MME: variants seen among roughly 807,000 people sequenced by gnomAD.
The protein encoded by MME is membrane metalloendopeptidase.
A neutral mutation model predicts 113.2 loss-of-function variants in MME; 98 were observed. That is an observed-to-expected ratio of 0.87 (90% CI 0.74 to 1.02). The LOEUF is 1.02. Among genes scored for constraint, MME ranks in the 50% least tolerant of loss-of-function variants. The pLI, the probability that MME is intolerant of heterozygous loss-of-function variation, is 0.00. For synonymous variants in MME, 292 were observed against 300.6 expected, an observed-to-expected ratio of 0.97 and a Z score of 0.30; for missense variants, 836 against 896.0, an observed-to-expected ratio of 0.93 and a Z score of 0.86.
intron 1 of MME, among the ~76,000 whole-genome samples, chr3:155,066,730 G>A (rs1401538283): frequency 6.6e-6 from 1 of 152,090 alleles, no homozygotes; most frequent in Non-Finnish European, 1.5e-5. Context: ...TACTGAAAAA[G>A]TAAGTACAAT....
At chr3:155,030,072 G>T (rs992593883) in intron 1 of MME, among the ~76,000 whole-genome samples, 2 of 152,070 alleles carry the variant, frequency 1.3e-5, no homozygotes, top group African/African-American at 4.8e-5. Flanking sequence ...ACTTTTAGGT[G>T]AACATTTACA....
intron 17 of MME, among the ~76,000 whole-genome samples, chr3:155,163,296 T>C (rs1315794420): frequency 6.6e-6 from 1 of 152,214 alleles, no homozygotes; most frequent in East Asian, 1.9e-4. Context: ...TTTTGTTATA[T>C]AGAGACTTAC....
intron 3 of MME, chr3:155,090,605 A>G (rs1224772823): frequency 1.3e-5 from 2 of 152,218 alleles, no homozygotes; most frequent in Non-Finnish European, 2.9e-5. Flanking sequence ...TGATATGATA[A>G]TAATGGAGAA....
intron 1 of MME, among the ~76,000 whole-genome samples, chr3:155,052,948 A>C (rs1237267589): frequency 6.6e-6 from 1 of 152,184 alleles, no homozygotes; most frequent in East Asian, 1.9e-4. Context: ...TCTCAAGTTC[A>C]AAGTTCCACA....
chr3:155,077,759 G>C (rs1028452859), upstream of MME, among the ~76,000 whole-genome samples: 1 of 150,386 alleles, frequency 6.6e-6, no homozygotes, highest in African/African-American at 2.4e-5. Flanking sequence ...AGAAAGAAAA[G>C]AGAAAAAGAA....
At chr3:155,128,635 T>C (rs1337480508) in intron 8 of MME, among the ~76,000 whole-genome samples, 1 of 152,160 alleles carries the variant, frequency 6.6e-6, no homozygotes, top group Non-Finnish European at 1.5e-5. Context: ...TCCTCTAATA[T>C]AGTTTTCCTA....
At chr3:155,034,316 A>G (rs1041997718) in intron 1 of MME, among the ~76,000 whole-genome samples, 1 of 152,140 alleles carries the variant, frequency 6.6e-6, no homozygotes, top group Non-Finnish European at 1.5e-5. Context: ...GTTTTCTGAG[A>G]TTTATTTTCC....
intron 22 of MME, among the ~76,000 whole-genome samples, chr3:155,178,090 A>G (rs1479045477): frequency 6.6e-6 from 1 of 152,140 alleles, no homozygotes; most frequent in East Asian, 1.9e-4. Flanking sequence ...ACAACCTGCC[A>G]TTACTGGAAC....
chr3:155,140,802 C>T (rs930755095), intron 10 of MME, among the ~76,000 whole-genome samples: 2 of 152,042 alleles, frequency 1.3e-5, no homozygotes, highest in Non-Finnish European at 2.9e-5. Flanking sequence ...TCTGAGAGGC[C>T]ATTATGTAGT....
At chr3:155,172,437 A>T in intron 21 of MME, 99 bp from the exon 22 acceptor site, 1 of 996,580 alleles carries the variant, frequency 1.0e-6, no homozygotes. Context: ...GGAATGCAGA[A>T]TTCCAATTTA....
chr3:155,099,801 T>C (rs957372932), intron 3 of MME, among the ~76,000 whole-genome samples: 1 of 152,214 alleles, frequency 6.6e-6, no homozygotes, highest in Non-Finnish European at 1.5e-5. Context: ...TCTATCATTG[T>C]TGGACATTTG....
chr3:155,098,370 GTGGTGAAACCCCA>G (rs1490421434), intron 3 of MME, among the ~76,000 whole-genome samples: 1 of 151,898 alleles, frequency 6.6e-6, no homozygotes, highest in Non-Finnish European at 1.5e-5. Flanking sequence ...CCTGGCCAAC[GTGGTGAAACCCCA>G]TCTCTACTAA....
chr3:155,091,906 G>C (rs1716331506), intron 3 of MME, among the ~76,000 whole-genome samples: 2 of 152,066 alleles, frequency 1.3e-5, no homozygotes, highest in African/African-American at 4.8e-5. Context: ...CGTTCTTTCT[G>C]TTCAAAACAT....
rs193051257 is a variant in MME, at chr3:155,117,318, C to T, written c.654+332C>T. Among the ~76,000 whole-genome samples the T allele has an allele frequency of 1.3e-3, 194 of 152,168 alleles. 2 individuals are homozygous for T. Among genetic ancestry groups the T allele is most frequent in the African/African-American group, 4.2e-3 (173 of 41,520 alleles). ...ATAGTACTTGAAAGGAGCATGCTTT[C>T]GTTTATAGAAGTAATGCAGGTCTAG... On this transcript the variant is annotated intron_variant, in intron 7 of 22. Coordinates refer to ENST00000360490, the MANE Select transcript of MME (RefSeq NM_007289.4).
At chr3:155,048,824 C>G (rs1713654021) in intron 1 of MME, among the ~76,000 whole-genome samples, 1 of 151,920 alleles carries the variant, frequency 6.6e-6, no homozygotes, top group Admixed American at 6.6e-5. Context: ...TTATCTTATC[C>G]ATGCATACTG....
chr3:155,172,837 T>G, intron 22 of MME, among the ~76,000 whole-genome samples: 1 of 152,042 alleles, frequency 6.6e-6, no homozygotes, highest in East Asian at 1.9e-4. Flanking sequence ...TATAATTCCT[T>G]AGAATCTACG....
intron 1 of MME, among the ~76,000 whole-genome samples, chr3:155,060,027 C>A (rs192326765): frequency 6.6e-6 from 1 of 152,242 alleles, no homozygotes; most frequent in Admixed American, 6.5e-5. Context: ...TGAACAGTAA[C>A]AATAAGGGTA....
Position 155,168,785 on chromosome 3 carries a change from T to C in MME, c.1968T>C (p.Gly656=), listed in dbSNP as rs1322454876. 1 of 1,612,242 alleles carries C rather than the reference T, an allele frequency of 6.2e-7. No homozygotes were observed. Among genetic ancestry groups the C allele is most frequent in the East Asian group, 2.2e-5 (1 of 44,792 alleles). The change falls in exon 20 of 23, where the codon GGT becomes GGC. Residue 656 remains glycine (G), a synonymous_variant. Transcript: ENST00000360490. The part of the protein sequence containing the change: ...GENIADNGGL[G]QAYRAYQNYI... Reference sequence around the variant, plus strand: ...ACATTGCTGATAATGGAGGTCTTGGTCAAGCATACAGAGTAAGTAAAAAAG... The same window carrying C: ...ACATTGCTGATAATGGAGGTCTTGGCCAAGCATACAGAGTAAGTAAAAAAG...
intron 16 of MME, among the ~76,000 whole-genome samples, chr3:155,155,635 G>A (rs2108341125): frequency 6.6e-6 from 1 of 152,272 alleles, no homozygotes; most frequent in East Asian, 1.9e-4. Flanking sequence ...AATGAGCTAG[G>A]TAGACAATAG....
Sources: allele counts gnomAD v4.1 joint callset (sites outside exome capture counted in the v4.1 genomes callset), GRCh38; gene constraint gnomAD v4.1.1; transcripts MANE v1.5; gene names NCBI Gene and HGNC (gene_info 2026-07-23, HGNC 2026-07-21).